DMD: variants seen among roughly 807,000 people sequenced by gnomAD.
DMD encodes the protein mutant dystrophin.
A neutral mutation model predicts 330.1 loss-of-function variants in DMD; 63 were observed. That is an observed-to-expected ratio of 0.19 (90% CI 0.16 to 0.24). DMD has a LOEUF of 0.24. Ranked by LOEUF, DMD falls within the 10% of genes least tolerant of loss-of-function variation. The probability of loss-of-function intolerance (pLI) is 1.00; values close to 1 mark genes in which losing one functional copy is unlikely to be tolerated. For synonymous variants in DMD, 1,223 were observed against 959.8 expected (o/e 1.27, Z -5.07); for missense variants, 3,344 against 2,684.1 (o/e 1.25, Z -5.43).
intron 61 of DMD, among the ~76,000 whole-genome samples, chrX:31,341,927 A>G (rs2057796104): frequency 9.1e-6 from 1 of 109,960 alleles, no homozygotes; most frequent in Non-Finnish European, 1.9e-5. Context: ...ACACGCATGT[A>G]CACACATATC....
chrX:32,054,088 T>TGTGAGA (rs1156434219), intron 44 of DMD, among the ~76,000 whole-genome samples: 4 of 69,560 alleles, frequency 5.8e-5, no homozygotes, highest in Non-Finnish European at 1.1e-4. Context: ...TGTGTGTGTG[T>TGTGAGA]GAGAGAGAGA....
At chrX:31,224,009 G>A (rs1023710520) in intron 63 of DMD, among the ~76,000 whole-genome samples, 2 of 111,465 alleles carry the variant, frequency 1.8e-5, no homozygotes, top group African/African-American at 3.3e-5. Context: ...CCTGACTCAC[G>A]CCACCTAGCA....
At chrX:32,984,347 C>G (rs1370383125) in intron 2 of DMD, among the ~76,000 whole-genome samples, 1 of 112,353 alleles carries the variant, frequency 8.9e-6, no homozygotes, top group Non-Finnish European at 1.9e-5. Flanking sequence ...TTCCGCCTCC[C>G]AGGTTCAAGC....
intron 55 of DMD, among the ~76,000 whole-genome samples, chrX:31,588,823 T>A (rs1279127565): frequency 9.1e-6 from 1 of 109,370 alleles, no homozygotes. Flanking sequence ...AGTAGAAACT[T>A]TACTTTTTCC....
chrX:32,932,469 T>C lies in DMD; in HGVS notation c.94-82649A>G, dbSNP rs187278336. Among the ~76,000 whole-genome samples, 668 of 112,054 alleles carry C rather than the reference T, an allele frequency of 6.0e-3. 4 individuals are homozygous for C. The highest frequency in any genetic ancestry group is 0.014 in the Middle Eastern group (3 of 216). On this transcript the variant is annotated intron_variant, in intron 2 of 78. Coordinates refer to ENST00000357033, the MANE Select transcript of DMD (RefSeq NM_004006.3). ...ACAATTCACCAATACATTTTCCATC[T>C]ATGGGGTAAAAATGCAATAGGTTAT...
At chrX:33,121,499 T>C (rs2095424866) in intron 1 of DMD, among the ~76,000 whole-genome samples, 2 of 111,950 alleles carry the variant, frequency 1.8e-5, no homozygotes, top group African/African-American at 3.2e-5. Flanking sequence ...TCTCAAAATG[T>C]TGGGATTACA....
intron 60 of DMD, among the ~76,000 whole-genome samples, chrX:31,382,918 T>C (rs1013704808): frequency 1.8e-5 from 2 of 111,879 alleles, no homozygotes; most frequent in Non-Finnish European, 3.8e-5. Flanking sequence ...AAGACAGGAA[T>C]GTCAGGCCTC....
intron 1 of DMD, among the ~76,000 whole-genome samples, chrX:33,307,864 T>TCCTA (rs1283673107): frequency 9.0e-6 from 1 of 110,993 alleles, no homozygotes; most frequent in Non-Finnish European, 1.9e-5. Flanking sequence ...AGTCCCCAAA[T>TCCTA]CCTACCTCCT....
At chrX:31,788,584 G>C (rs2091425075) in intron 50 of DMD, among the ~76,000 whole-genome samples, 1 of 111,109 alleles carries the variant, frequency 9.0e-6, no homozygotes, top group Non-Finnish European at 1.9e-5. Flanking sequence ...TGTCTGCTAG[G>C]TCTATTTGAT....
intron 47 of DMD, among the ~76,000 whole-genome samples, chrX:31,922,350 T>C (rs1002413358): frequency 9.0e-6 from 1 of 111,171 alleles, no homozygotes; most frequent in African/African-American, 3.3e-5. Context: ...CTTTGCAATA[T>C]CCTTTATCAT....
intron 55 of DMD, among the ~76,000 whole-genome samples, chrX:31,605,797 A>C (rs377646796): frequency 1.8e-4 from 20 of 112,216 alleles, no homozygotes; most frequent in African/African-American, 6.1e-4. Flanking sequence ...TTGAGAAAGA[A>C]ATACTTGAGA....
At position 32,518,231 on chromosome X, in the gene DMD, G is replaced by C. The variant is rs1379459413; in HGVS notation, c.2169-100C>G. The stretch of plus-strand genomic sequence containing the variant: ...ACATTTATCATTCTTTTCTCAATCT[G>C]AGACTCCTGCCTGACACCTCTATTA... On this transcript the variant is annotated intron_variant, in intron 17 of 78. Transcript: ENST00000357033. 4.7e-5 allele frequency: 41 copies of C among 866,520 alleles called. No homozygotes were observed. The East Asian group carries it at 1.3e-3, about 28-fold the overall frequency. The allele number at this position is 866,520 out of a possible 1,213,427, so 71.4% of individuals were successfully genotyped here. A position where few individuals can be genotyped will look rare whatever the true frequency, so the allele number is the denominator to read the frequency against.
At chrX:31,531,601 G>A (rs1365931448) in intron 55 of DMD, among the ~76,000 whole-genome samples, 3 of 96,696 alleles carry the variant, frequency 3.1e-5, no homozygotes, top group Admixed American at 1.2e-4. Flanking sequence ...AGTAGGTTGC[G>A]GAAATTTTCT....
intron 43 of DMD, among the ~76,000 whole-genome samples, chrX:32,233,053 A>G (rs2097174320): frequency 8.9e-6 from 1 of 112,273 alleles, no homozygotes; most frequent in East Asian, 2.8e-4. Context: ...CTTTTGATAA[A>G]CATTTATTGA....
chrX:32,700,614 G>C (rs926743925), intron 7 of DMD, among the ~76,000 whole-genome samples: 6 of 111,482 alleles, frequency 5.4e-5, no homozygotes, highest in African/African-American at 1.9e-4. Context: ...GTTCAATGTA[G>C]CCATTCCAGA....
At chrX:33,180,396 C>T (rs976194428) in intron 1 of DMD, among the ~76,000 whole-genome samples, 1 of 111,663 alleles carries the variant, frequency 9.0e-6, no homozygotes, top group African/African-American at 3.3e-5. Context: ...ACAGGAAGCA[C>T]AATACTTGTA....
intron 2 of DMD, among the ~76,000 whole-genome samples, chrX:32,982,176 G>GA (rs1388235752): frequency 9.0e-6 from 1 of 111,438 alleles, no homozygotes; most frequent in East Asian, 2.8e-4. Context: ...GCTAACTGTT[G>GA]AAAAATAGTC....
intron 29 of DMD, 135 bp from the exon 30 acceptor site, chrX:32,412,048 T>G (rs2098144186): frequency 8.4e-7 from 1 of 1,190,071 alleles, no homozygotes; most frequent in African/African-American, 1.8e-5. Flanking sequence ...CGCAGCTTCC[T>G]GGCACTCATT....
Position 32,698,001 on chromosome X carries a change from G to A in DMD, c.832-3C>T, listed in dbSNP as rs777492476. The A allele has an allele frequency of 2.5e-5, 30 of 1,186,196 alleles. No individual in the cohort carries two copies. In the East Asian group the frequency reaches 4.0e-4, roughly 16 times the overall value. On this transcript the variant is annotated splice_polypyrimidine_tract_variant and splice_region_variant and intron_variant, in intron 8 of 78. Coordinates refer to ENST00000357033, the MANE Select transcript of DMD (RefSeq NM_004006.3). ...CCCTGTGCTAGACTGACCGTGATCTGCAGAGAAGGGTTTGGGGGAGTGGAT... is the reference window on the plus strand; with the variant it reads ...CCCTGTGCTAGACTGACCGTGATCTACAGAGAAGGGTTTGGGGGAGTGGAT...
Sources: gnomAD v4.1 joint callset for allele counts (sites outside exome capture counted in the v4.1 genomes callset) on GRCh38, gnomAD v4.1.1 for gene constraint, MANE v1.5 for transcripts, NCBI Gene and HGNC (gene_info 2026-07-23, HGNC 2026-07-21) for gene names.